Variants in PLS1 observed in about 807,000 individuals in gnomAD.
PLS1 encodes plastin-1.
Under a neutral mutation model 73.7 loss-of-function variants are expected in PLS1, and 32 were observed. That is an observed-to-expected ratio of 0.43 (90% CI 0.33 to 0.58). The LOEUF (loss-of-function observed/expected upper bound fraction) is 0.58. PLS1 is among the 20% of genes least tolerant of loss of function. The pLI is 0.04. For synonymous variants in PLS1, 217 were observed against 261.3 expected, an observed-to-expected ratio of 0.83 and a Z score of 1.63; for missense variants, 633 against 740.5, an observed-to-expected ratio of 0.85 and a Z score of 1.68.
At chr3:142,691,437 A>G (rs1183886226) in intron 10 of PLS1, among the ~76,000 whole-genome samples, 1 of 152,080 alleles carries the variant, frequency 6.6e-6, no homozygotes, top group Non-Finnish European at 1.5e-5. Flanking sequence ...AGTAGAAGGC[A>G]TTGTTTAGAG....
intron 1 of PLS1, among the ~76,000 whole-genome samples, chr3:142,648,472 G>A (rs1435069506): frequency 1.3e-5 from 2 of 152,156 alleles, no homozygotes; most frequent in East Asian, 3.9e-4. Flanking sequence ...TCAGTTGCGG[G>A]AGGCATCAGT....
intron 1 of PLS1, among the ~76,000 whole-genome samples, chr3:142,601,841 A>G (rs1038125465): frequency 1.3e-5 from 2 of 152,124 alleles, no homozygotes; most frequent in Non-Finnish European, 2.9e-5. Context: ...AGATGAGAAA[A>G]TTGAGGCTTA....
chr3:142,680,726 G>T (rs2037835141), intron 6 of PLS1, among the ~76,000 whole-genome samples: 1 of 152,026 alleles, frequency 6.6e-6, no homozygotes, highest in Non-Finnish European at 1.5e-5. Context: ...TACTTACTGG[G>T]TATCAGTCAC....
chr3:142,691,764 T>C (rs1169782613), intron 10 of PLS1, among the ~76,000 whole-genome samples: 1 of 152,194 alleles, frequency 6.6e-6, no homozygotes, highest in African/African-American at 2.4e-5. Context: ...CTTATGAAAT[T>C]TGAAGCTTGA....
chr3:142,697,630 T>C (rs1412637219), intron 11 of PLS1, among the ~76,000 whole-genome samples: 1 of 152,208 alleles, frequency 6.6e-6, no homozygotes, highest in Non-Finnish European at 1.5e-5. Flanking sequence ...CATAGAGATC[T>C]ACCTTATGTC....
chr3:142,601,279 G>A (rs2035924174), intron 1 of PLS1, among the ~76,000 whole-genome samples: 1 of 151,592 alleles, frequency 6.6e-6, no homozygotes, highest in African/African-American at 2.4e-5. Context: ...AATTGATTAG[G>A]CAGATGCAAA....
chr3:142,684,352 A>G lies in PLS1; in HGVS notation c.845A>G (p.Asn282Ser). 2 of 1,613,636 alleles carry G rather than the reference A, an allele frequency of 1.2e-6. No individual in the cohort carries two copies. Among genetic ancestry groups the G allele is most frequent in the South Asian group, 1.1e-5 (1 of 91,078 alleles). Residue 282 changes from asparagine (N) to serine (S), a missense_variant, in exon 8 of 16, where the codon AAT (asparagine) becomes AGT (serine). Physicochemically the swap from Asn to Ser is conservative, Grantham distance 46. Coordinates refer to ENST00000457734, the MANE Select transcript of PLS1 (RefSeq NM_001145319.2). ...LLRWVNYHLT[N>S]AGWHTISNFS... ...CGATGGGTGAACTACCATCTGACCA[A>G]TGCAGGATGGCATACCATCAGCAAC...
intron 1 of PLS1, among the ~76,000 whole-genome samples, chr3:142,633,139 A>G (rs532987400): frequency 1.3e-5 from 2 of 152,362 alleles, no homozygotes; most frequent in South Asian, 4.1e-4. Context: ...CAAAAGTACA[A>G]AGACTGTATG....
intron 1 of PLS1, among the ~76,000 whole-genome samples, chr3:142,612,184 T>C (rs1685642988): frequency 2.0e-5 from 3 of 152,212 alleles, no homozygotes; most frequent in African/African-American, 7.2e-5. Context: ...TTCTCACTGG[T>C]TTAACTTTAA....
chr3:142,606,068 A>T (rs961446629), intron 1 of PLS1, among the ~76,000 whole-genome samples: 1 of 152,226 alleles, frequency 6.6e-6, no homozygotes, highest in African/African-American at 2.4e-5. Context: ...ATTTTCTAGT[A>T]ATTCAGAGGA....
intron 14 of PLS1, among the ~76,000 whole-genome samples, chr3:142,707,697 T>C (rs939611310): frequency 6.6e-6 from 1 of 152,210 alleles, no homozygotes; most frequent in African/African-American, 2.4e-5. Flanking sequence ...GCTTGCCCTG[T>C]GTCAGGTGCC....
chr3:142,599,323 CTTTTTTT>C (rs869303176), intron 1 of PLS1, among the ~76,000 whole-genome samples: 8 of 44,208 alleles, frequency 1.8e-4, no homozygotes, highest in East Asian at 7.1e-4. Flanking sequence ...CTCAGATATT[CTTTTTTT>C]TTTTTTTTTT....
intron 1 of PLS1, among the ~76,000 whole-genome samples, chr3:142,655,339 G>A (rs758099948): frequency 2.0e-5 from 3 of 152,106 alleles, no homozygotes; most frequent in Non-Finnish European, 2.9e-5. Flanking sequence ...TAAATACTTG[G>A]GAAGACTGAA....
chr3:142,624,549 G>A (rs2030613), intron 1 of PLS1, among the ~76,000 whole-genome samples: 96,900 of 151,658 alleles, frequency 0.64, 32,526 homozygotes, highest in African/African-American at 0.86. Flanking sequence ...ACTGCTGGCA[G>A]TTTACATAGA....
chr3:142,600,916 A>ATATATATTTT (rs1560024585), intron 1 of PLS1, among the ~76,000 whole-genome samples: 3 of 14,844 alleles, frequency 2.0e-4, no homozygotes, highest in Admixed American at 1.4e-3. Flanking sequence ...ATATATATAT[A>ATATATATTTT]TTTTTTTTTT....
At chr3:142,678,304 G>C (rs1184113254) in intron 6 of PLS1, among the ~76,000 whole-genome samples, 191 bp downstream of exon 6, 2 of 148,856 alleles carry the variant, frequency 1.3e-5, no homozygotes, top group Non-Finnish European at 3.0e-5. Flanking sequence ...TAAGTTTTAG[G>C]GTACATGTGC....
intron 1 of PLS1, among the ~76,000 whole-genome samples, chr3:142,641,439 A>AAT (rs949023420): frequency 1.5e-4 from 23 of 151,036 alleles, no homozygotes; most frequent in Admixed American, 8.6e-4. Context: ...TATATGTATG[A>AAT]ATATATATAT....
At position 142,689,399 on chromosome 3, in the gene PLS1, G is replaced by A. The variant is rs569467448; in HGVS notation, c.982-219G>A. 6.0e-5 allele frequency among the ~76,000 whole-genome samples: 9 copies of A among 151,074 alleles called. No individual in the cohort carries two copies. The South Asian group carries it at 1.7e-3, about 28-fold the overall frequency. ...GATCACGCCACTGCACTCCAGCCTG[G>A]GGAACAGAGCAAGACTCTGTCTCTA... is the stretch of plus-strand genomic sequence containing the variant. On this transcript the variant is annotated intron_variant, in intron 9 of 15. Transcript: ENST00000457734.
intron 8 of PLS1, among the ~76,000 whole-genome samples, chr3:142,685,888 A>C (rs983537490): frequency 6.6e-6 from 1 of 152,344 alleles, no homozygotes; most frequent in African/African-American, 2.4e-5. Flanking sequence ...ATCACTGTTT[A>C]CTTATTAAGA....
Sources: allele counts gnomAD v4.1 joint callset (sites outside exome capture counted in the v4.1 genomes callset), GRCh38; gene constraint gnomAD v4.1.1; transcripts MANE v1.5; gene names NCBI Gene and HGNC (gene_info 2026-07-23, HGNC 2026-07-21).